EYA1: variants seen among roughly 807,000 people sequenced by gnomAD.
EYA1 encodes EYA transcriptional coactivator and phosphatase 1, also known as protein phosphatase EYA1.
Under a neutral mutation model 82.0 loss-of-function variants are expected in EYA1, and 16 were observed. The observed-to-expected ratio is 0.20, with a 90% confidence interval of 0.13 to 0.30. EYA1 has a LOEUF of 0.30. Among genes scored for constraint, EYA1 ranks in the 10% least tolerant of loss-of-function variants. The pLI is 1.00. For synonymous variants in EYA1, 261 were observed against 264.4 expected (o/e 0.99, Z 0.12); for missense variants, 633 against 730.7 (o/e 0.87, Z 1.54).
intron 9 of EYA1, among the ~76,000 whole-genome samples, chr8:71,280,371 A>C (rs1018777111): frequency 2.6e-5 from 4 of 152,216 alleles, no homozygotes; most frequent in Admixed American, 2.6e-4. Context: ...TTTACAATGA[A>C]CACTTAGATT....
chr8:71,456,216 C>G (rs1807893962), intron 2 of EYA1, among the ~76,000 whole-genome samples: 1 of 152,154 alleles, frequency 6.6e-6, no homozygotes. Context: ...TGAAGGACCT[C>G]TTCAAGGAGA....
intron 2 of EYA1, among the ~76,000 whole-genome samples, chr8:71,465,615 C>A (rs1808715531): frequency 6.6e-6 from 1 of 152,016 alleles, no homozygotes; most frequent in African/African-American, 2.4e-5. Flanking sequence ...GAGCAAGACT[C>A]CATTTCAAAA....
At chr8:71,527,269 T>A (rs1813888913) in intron 2 of EYA1, among the ~76,000 whole-genome samples, 1 of 152,210 alleles carries the variant, frequency 6.6e-6, no homozygotes, top group Non-Finnish European at 1.5e-5. Flanking sequence ...GATGCTTGAC[T>A]TTGATGATTG....
rs116748490 is a variant in EYA1, at chr8:71,535,042, C to T, written c.33+702G>A. 9.6e-3 allele frequency among the ~76,000 whole-genome samples: 1,466 copies of T among 151,938 alleles called. 24 individuals are homozygous for T. Among genetic ancestry groups the T allele is most frequent in the African/African-American group, 0.033 (1,369 of 41,416 alleles). On this transcript the variant is annotated intron_variant, in intron 2 of 18. Transcript: ENST00000643681. ...CCTAAATGTTGCTATGGAAATTTTC[C>T]GAGAAAACAACTTTAACTTACTGAA...
intron 2 of EYA1, among the ~76,000 whole-genome samples, chr8:71,396,911 G>C (rs1160246628): frequency 6.6e-6 from 1 of 152,138 alleles, no homozygotes; most frequent in Admixed American, 6.5e-5. Flanking sequence ...CATTATTATT[G>C]TGTGGGAGTC....
At chr8:71,468,822 A>C (rs898346038) in intron 2 of EYA1, among the ~76,000 whole-genome samples, 2 of 152,146 alleles carry the variant, frequency 1.3e-5, no homozygotes, top group Non-Finnish European at 2.9e-5. Context: ...TCCATTTAAC[A>C]TTGCAAATTT....
chr8:71,540,647 T>C (rs1325030660), intron 1 of EYA1, among the ~76,000 whole-genome samples: 1 of 152,196 alleles, frequency 6.6e-6, no homozygotes, highest in African/African-American at 2.4e-5. Flanking sequence ...TTTTAATTTT[T>C]CCTGCTGATT....
intron 3 of EYA1, 137 bp from the exon 4 acceptor site, chr8:71,334,311 A>G (rs1295300635): frequency 9.2e-6 from 7 of 760,430 alleles, no homozygotes; most frequent in Non-Finnish European, 1.6e-5. Flanking sequence ...ATATATCATA[A>G]GCATAAATAG....
At chr8:71,489,185 A>T (rs1810803067) in intron 2 of EYA1, among the ~76,000 whole-genome samples, 1 of 152,078 alleles carries the variant, frequency 6.6e-6, no homozygotes, top group African/African-American at 2.4e-5. Flanking sequence ...ACACACATCG[A>T]TTGGTTTGTG....
intron 6 of EYA1, 64 bp from the exon 7 acceptor site, chr8:71,317,753 C>T (rs1271292653): frequency 6.8e-7 from 1 of 1,473,786 alleles, no homozygotes; most frequent in Non-Finnish European, 9.5e-7. Flanking sequence ...TATACAAAAA[C>T]ATACACTTCC....
At chr8:71,496,913 GA>G (rs34711030) in intron 2 of EYA1, among the ~76,000 whole-genome samples, 97,132 of 140,308 alleles carry the variant, frequency 0.69, 33,996 homozygotes, top group East Asian at 0.9. Context: ...AACTGTCTAA[GA>G]AAAAAAAAAA....
chr8:71,351,112 C>T lies in EYA1; in HGVS notation c.124+3670G>A, dbSNP rs986180336. ...AAAGCTATGCTTTAACAATAAAATA[C>T]GTGGAATAGAATTTCTATTCCATCT... On this transcript the variant is annotated intron_variant, in intron 3 of 17. Transcript: ENST00000340726. Among the ~76,000 whole-genome samples the T allele has an allele frequency of 1.2e-4, 19 of 152,156 alleles. 1 individual carries two copies. Among genetic ancestry groups the T allele is most frequent in the African/African-American group, 2.9e-4 (12 of 41,542 alleles).
At chr8:71,352,272 G>A (rs1826380215) in intron 3 of EYA1, among the ~76,000 whole-genome samples, 1 of 152,146 alleles carries the variant, frequency 6.6e-6, no homozygotes, top group South Asian at 2.1e-4. Flanking sequence ...TGGTGACAGA[G>A]AGGAATGAAA....
At chr8:71,365,401 A>T (rs1586559126), upstream of EYA1, among the ~76,000 whole-genome samples, 1 of 152,148 alleles carries the variant, frequency 6.6e-6, no homozygotes, top group South Asian at 2.1e-4. Context: ...GCTTCTTATG[A>T]GATGATTATT....
intron 2 of EYA1, among the ~76,000 whole-genome samples, chr8:71,408,904 A>C (rs374182062): frequency 9.2e-6 from 1 of 109,210 alleles, no homozygotes; most frequent in Non-Finnish European, 1.8e-5. Flanking sequence ...CTCCACCCCA[A>C]ATCAACAGAA....
intron 2 of EYA1, among the ~76,000 whole-genome samples, chr8:71,453,995 G>A (rs1329245265): frequency 1.3e-5 from 2 of 152,126 alleles, no homozygotes; most frequent in Non-Finnish European, 2.9e-5. Context: ...AAAGAGTCGA[G>A]ACCCATCAGT....
In EYA1 at chr8:71,215,570, G is replaced by A. The variant is rs562183985; in HGVS notation, c.1475+44C>T. ...ATAAATCTCCAAAATGAACAAGCACGAGCATTGCCCATTTCCTGGCAAAGA... is the reference window on the plus strand; with the variant it reads ...ATAAATCTCCAAAATGAACAAGCACAAGCATTGCCCATTTCCTGGCAAAGA... On this transcript the variant is annotated intron_variant, in intron 15 of 17. Coordinates refer to ENST00000340726, the MANE Select transcript of EYA1 (RefSeq NM_000503.6). 6.2e-6 allele frequency: 10 copies of A among 1,607,846 alleles called. No homozygotes were observed. The African/African-American group carries it at 9.4e-5, about 15-fold the overall frequency.
chr8:71,371,960 A>T (rs1170014171), intron 2 of EYA1, among the ~76,000 whole-genome samples: 3 of 152,074 alleles, frequency 2.0e-5, no homozygotes, highest in Non-Finnish European at 4.4e-5. Flanking sequence ...AATATAAGAA[A>T]ATGAGAAGTT....
At position 71,208,709 on chromosome 8, in the gene EYA1, C is replaced by A. The variant is rs138912279; in HGVS notation, c.1698+2447G>T. Among the ~76,000 whole-genome samples, 69 of 147,812 alleles carry A rather than the reference C, an allele frequency of 4.7e-4. 2 individuals are homozygous for A. The East Asian group carries it at 0.013, about 27-fold the overall frequency. On this transcript the variant is annotated intron_variant, in intron 17 of 17. Transcript: ENST00000340726. ...AAACCTGCACATTGTGCACATGTACCCTAGAACTTAAAGTATAATAAAAAA... is the reference window on the plus strand; with the variant it reads ...AAACCTGCACATTGTGCACATGTACACTAGAACTTAAAGTATAATAAAAAA...
Sources: gnomAD v4.1 joint callset for allele counts (sites outside exome capture counted in the v4.1 genomes callset) on GRCh38, gnomAD v4.1.1 for gene constraint, MANE v1.5 for transcripts, NCBI Gene and HGNC (gene_info 2026-07-23, HGNC 2026-07-21) for gene names.